Variants in SLC4A4 observed in about 807,000 individuals in gnomAD.
SLC4A4 encodes the protein solute carrier family 4 member 4.
SLC4A4 carries 27 observed loss-of-function variants against 111.5 expected under a neutral mutation model. The ratio of observed to expected loss-of-function variants is 0.24; its 90% CI spans 0.18 to 0.33. The LOEUF (loss-of-function observed/expected upper bound fraction) is 0.33, where lower values mean the gene tolerates loss of function less well. Ranked by LOEUF, SLC4A4 falls within the 10% of genes least tolerant of loss-of-function variation. The pLI is 1.00. For synonymous variants in SLC4A4, 443 were observed against 463.4 expected, an observed-to-expected ratio of 0.96 and a Z score of 0.57; for missense variants, 909 against 1,315.5, an observed-to-expected ratio of 0.69 and a Z score of 4.78.
chr4:71,501,861 T>C (rs1730964748), intron 16 of SLC4A4, among the ~76,000 whole-genome samples: 1 of 152,128 alleles, frequency 6.6e-6, no homozygotes, highest in Admixed American at 6.5e-5. Context: ...AGATGGGGTT[T>C]CACCATAATA....
chr4:71,516,467 T>C (rs958889683), intron 16 of SLC4A4, among the ~76,000 whole-genome samples: 2 of 152,168 alleles, frequency 1.3e-5, no homozygotes, highest in Non-Finnish European at 2.9e-5. Context: ...TCACCAGTAA[T>C]GGCTGTGCTC....
At chr4:71,166,395 A>T (rs754925687) in intron 2 of SLC4A4, among the ~76,000 whole-genome samples, 1 of 152,264 alleles carries the variant, frequency 6.6e-6, no homozygotes, top group Non-Finnish European at 1.5e-5. Flanking sequence ...TCTTAATAAC[A>T]AAGACCAAAT....
intron 3 of SLC4A4, among the ~76,000 whole-genome samples, chr4:71,321,577 A>G (rs1462511013): frequency 6.6e-6 from 1 of 151,868 alleles, no homozygotes; most frequent in African/African-American, 2.4e-5. Flanking sequence ...GCTCACCCCC[A>G]GTTCTGGAGG....
upstream of SLC4A4, among the ~76,000 whole-genome samples, chr4:71,185,094 T>C (rs1354337512): frequency 1.3e-5 from 2 of 152,170 alleles, no homozygotes; most frequent in African/African-American, 4.8e-5. Flanking sequence ...CCTTCAGGAG[T>C]TACCTATTTA....
chr4:71,306,175 A>G lies in SLC4A4; in HGVS notation c.254-33195A>G, dbSNP rs1202931783. Among the ~76,000 whole-genome samples the G allele has an allele frequency of 2.0e-5, 3 of 152,304 alleles. No individual in the cohort carries two copies. In the East Asian group the frequency reaches 5.8e-4, roughly 29 times the overall value. ...GTGACAGTACACCAGGGTGGTTAAG[A>G]GCATAGGTTCTGAAGTCAGACTTCC... On this transcript the variant is annotated intron_variant, in intron 3 of 25. Transcript: ENST00000264485.
chr4:71,543,117 T>G (rs2149228795), intron 18 of SLC4A4, among the ~76,000 whole-genome samples: 1 of 152,242 alleles, frequency 6.6e-6, no homozygotes, highest in Middle Eastern at 3.4e-3. Flanking sequence ...AGTTCCCTAA[T>G]GTGATGGCAC....
In SLC4A4 at chr4:71,563,780, A is replaced by C. The variant is rs1560626077; in HGVS notation, c.3100-13A>C. On this transcript the variant is annotated splice_polypyrimidine_tract_variant and intron_variant, in intron 23 of 25. Transcript: ENST00000264485. Reference sequence around the variant, plus strand: ...AAAAACATTCTAAAACCTCTTGTACATTTTTTTCACAGTCTGACTGCCCAT... The same window carrying C: ...AAAAACATTCTAAAACCTCTTGTACCTTTTTTTCACAGTCTGACTGCCCAT... 6 of 1,551,582 alleles carry C rather than the reference A, an allele frequency of 3.9e-6. No individual in the cohort carries two copies. The highest frequency in any genetic ancestry group is 5.3e-6 in the Non-Finnish European group (6 of 1,123,992).
intron 2 of SLC4A4, among the ~76,000 whole-genome samples, chr4:71,136,584 A>T (rs115690500): frequency 2.0e-3 from 312 of 152,318 alleles, no homozygotes; most frequent in African/African-American, 7.0e-3. Flanking sequence ...TTCAAGGATC[A>T]GTATACTGTA....
At chr4:71,376,154 TATACACACACACACAC>T (rs1344451339) in intron 6 of SLC4A4, among the ~76,000 whole-genome samples, 2 of 55,032 alleles carry the variant, frequency 3.6e-5, no homozygotes, top group East Asian at 1.1e-3. Context: ...TACCTGTATA[TATACACACACACACAC>T]ACACACACAC....
At chr4:71,179,904 A>G (rs930682592) in intron 2 of SLC4A4, among the ~76,000 whole-genome samples, 2 of 152,184 alleles carry the variant, frequency 1.3e-5, no homozygotes, top group African/African-American at 4.8e-5. Context: ...GTCAATCCGA[A>G]GCCAAAAGAA....
chr4:71,203,285 A>G (rs1279515043), intron 1 of SLC4A4, among the ~76,000 whole-genome samples: 1 of 152,232 alleles, frequency 6.6e-6, no homozygotes, highest in Admixed American at 6.5e-5. Context: ...AAACAACTCT[A>G]TATCCAAGAA....
At chr4:71,416,653 C>T (rs1460963028) in intron 7 of SLC4A4, among the ~76,000 whole-genome samples, 1 of 151,922 alleles carries the variant, frequency 6.6e-6, no homozygotes. Context: ...GTTTTTGGTC[C>T]AGTGCCTGGC....
chr4:71,101,869 C>G (rs1461940636), intron 2 of SLC4A4, among the ~76,000 whole-genome samples: 1 of 151,854 alleles, frequency 6.6e-6, no homozygotes, highest in Non-Finnish European at 1.5e-5. Context: ...AACGCCTCTC[C>G]TCCTCCAAAG....
chr4:71,116,187 C>G (rs1291943262), intron 2 of SLC4A4, among the ~76,000 whole-genome samples: 1 of 152,202 alleles, frequency 6.6e-6, no homozygotes, highest in Non-Finnish European at 1.5e-5. Context: ...GGCCACTGCG[C>G]CCGGCCTATT....
At chr4:71,228,827 T>A (rs1719216256) in intron 1 of SLC4A4, among the ~76,000 whole-genome samples, 1 of 152,220 alleles carries the variant, frequency 6.6e-6, no homozygotes, top group African/African-American at 2.4e-5. Flanking sequence ...TTTCCCAAGG[T>A]TAACATTTTA....
chr4:71,544,483 C>T (rs1054454410), intron 18 of SLC4A4, among the ~76,000 whole-genome samples: 2 of 151,884 alleles, frequency 1.3e-5, no homozygotes, highest in African/African-American at 4.8e-5. Context: ...CATGAATGAA[C>T]CATAGTGGGG....
chr4:71,325,464 T>A (rs1285049514), intron 3 of SLC4A4, among the ~76,000 whole-genome samples: 1 of 152,008 alleles, frequency 6.6e-6, no homozygotes, highest in Non-Finnish European at 1.5e-5. Flanking sequence ...CAGGCATGGG[T>A]GGATCTAGGC....
chr4:71,440,819 A>T (rs1049643427), intron 8 of SLC4A4, 46 bp downstream of exon 8: 20 of 1,592,702 alleles, frequency 1.3e-5, no homozygotes, highest in Non-Finnish European at 1.6e-5. Flanking sequence ...TAATAGGGTT[A>T]TCTCCTCCCA....
chr4:71,565,496 A>G (rs1460913650), intron 24 of SLC4A4, among the ~76,000 whole-genome samples: 2 of 151,728 alleles, frequency 1.3e-5, no homozygotes, highest in Non-Finnish European at 2.9e-5. Flanking sequence ...ACTGGCTGGA[A>G]CCTTTGTTGT....
Sources: allele counts gnomAD v4.1 joint callset (sites outside exome capture counted in the v4.1 genomes callset), GRCh38; gene constraint gnomAD v4.1.1; transcripts MANE v1.5; gene names NCBI Gene and HGNC (gene_info 2026-07-23, HGNC 2026-07-21).